Variants in DLGAP2 observed in about 807,000 individuals in gnomAD.
DLGAP2 encodes the protein disks large-associated protein 2.
Under a neutral mutation model 100.3 loss-of-function variants are expected in DLGAP2, and 26 were observed. The ratio of observed to expected loss-of-function variants is 0.26; its 90% confidence interval spans 0.19 to 0.36. DLGAP2 has a LOEUF of 0.36. Ranked by LOEUF, DLGAP2 falls within the 10% of genes least tolerant of loss-of-function variation. DLGAP2 has a pLI of 1.00. For synonymous variants in DLGAP2, 886 were observed against 630.1 expected, an observed-to-expected ratio of 1.41 and a Z score of -6.08; for missense variants, 1,858 against 1,453.2, an observed-to-expected ratio of 1.28 and a Z score of -4.53.
chr8:1,494,103 C>G (rs889201200), intron 3 of DLGAP2, among the ~76,000 whole-genome samples: 24 of 152,206 alleles, frequency 1.6e-4, no homozygotes, highest in Non-Finnish European at 3.1e-4. Context: ...GCAGGAAAGG[C>G]TGCAGGGCCC....
chr8:1,331,314 G>A (rs546896917), intron 3 of DLGAP2, among the ~76,000 whole-genome samples: 2 of 152,310 alleles, frequency 1.3e-5, no homozygotes, highest in South Asian at 4.1e-4. Context: ...GGTTGGGTGG[G>A]TTGGCTGCAC....
At chr8:1,471,881 G>T (rs1798805905) in intron 3 of DLGAP2, among the ~76,000 whole-genome samples, 1 of 152,190 alleles carries the variant, frequency 6.6e-6, no homozygotes, top group Admixed American at 6.5e-5. Context: ...GTTGAATGGG[G>T]CTCTGCGCAG....
intron 2 of DLGAP2, among the ~76,000 whole-genome samples, chr8:1,114,427 G>A (rs1028295074): frequency 6.6e-6 from 1 of 152,114 alleles, no homozygotes; most frequent in African/African-American, 2.4e-5. Context: ...TCAGTCTTGG[G>A]AGGGTGTAAG....
At chr8:1,519,873 G>A (rs1387333767) in intron 4 of DLGAP2, among the ~76,000 whole-genome samples, 1 of 152,264 alleles carries the variant, frequency 6.6e-6, no homozygotes, top group African/African-American at 2.4e-5. Flanking sequence ...CAGAGCAGGG[G>A]AGCATGGGTG....
chr8:1,256,302 TGTCTGTGTGTCCTCTCATCCTGTCTGG>T (rs1799214204), intron 2 of DLGAP2, among the ~76,000 whole-genome samples: 1 of 131,200 alleles, frequency 7.6e-6, no homozygotes, highest in Admixed American at 7.9e-5. Context: ...GCCCGGGTGC[TGTCTGTGTGTCCTCTCATCCTGTCTGG>T]GTGCCATGTG....
intron 2 of DLGAP2, among the ~76,000 whole-genome samples, chr8:1,252,463 C>G (rs4642678): frequency 0.11 from 15,886 of 148,810 alleles, 2,101 homozygotes; most frequent in African/African-American, 0.31. Flanking sequence ...TTGTCACGTG[C>G]GTGTGTTGCG....
chr8:1,042,050 C>T lies in DLGAP2; in HGVS notation c.73+134084C>T, dbSNP rs535211818. Among the ~76,000 whole-genome samples, 3 of 152,306 alleles carry T rather than the reference C, an allele frequency of 2.0e-5. No homozygotes were observed. In the South Asian group the frequency reaches 6.2e-4, roughly 32 times the overall value. ...CGTCGACCTGATTTGCAGAGCAGAA[C>T]GGCCAGGGAGTGTCTCTGGGCCGTG... On this transcript the variant is annotated intron_variant, in intron 2 of 14. Coordinates refer to ENST00000637795, the MANE Select transcript of DLGAP2 (RefSeq NM_001346810.2).
At chr8:1,130,589 C>G (rs894154896) in intron 2 of DLGAP2, among the ~76,000 whole-genome samples, 1 of 152,178 alleles carries the variant, frequency 6.6e-6, no homozygotes, top group Non-Finnish European at 1.5e-5. Context: ...TGGTCCCTGG[C>G]GACAAGGAGA....
At chr8:865,421 T>C (rs1252594884) in intron 1 of DLGAP2, among the ~76,000 whole-genome samples, 1 of 152,208 alleles carries the variant, frequency 6.6e-6, no homozygotes, top group Admixed American at 6.5e-5. Context: ...GTGTCTTGAT[T>C]TGCGGCGTCA....
At chr8:1,426,709 T>G (rs545326058) in intron 3 of DLGAP2, among the ~76,000 whole-genome samples, 2 of 152,314 alleles carry the variant, frequency 1.3e-5, no homozygotes, top group African/African-American at 4.8e-5. Context: ...CAACAATAGA[T>G]TCTTCGTTAG....
intron 2 of DLGAP2, among the ~76,000 whole-genome samples, chr8:1,242,885 C>G (rs796791699): frequency 1.3e-4 from 19 of 151,704 alleles, no homozygotes; most frequent in African/African-American, 4.6e-4. Flanking sequence ...GTCAGACAGA[C>G]AGGTGAATCC....
intron 3 of DLGAP2, among the ~76,000 whole-genome samples, chr8:1,418,590 C>T (rs28499013): frequency 6.6e-6 from 1 of 152,060 alleles, no homozygotes; most frequent in Non-Finnish European, 1.5e-5. Context: ...TCCACTCCGA[C>T]GCCAAATAAA....
At chr8:1,683,856 A>ATATATATATATATGTGTGTG (rs1467438870) in intron 12 of DLGAP2, among the ~76,000 whole-genome samples, 1 of 62,242 alleles carries the variant, frequency 1.6e-5, no homozygotes, top group African/African-American at 8.4e-5. Context: ...ATATATATAT[A>ATATATATATATATGTGTGTG]TGTGTGTGTG....
At chr8:944,049 G>A (rs932173349) in intron 2 of DLGAP2, among the ~76,000 whole-genome samples, 1 of 152,246 alleles carries the variant, frequency 6.6e-6, no homozygotes, top group Non-Finnish European at 1.5e-5. Context: ...TTGTTTTGGC[G>A]TAGAGACCAT....
At chr8:753,995 C>G (rs529458490) in intron 1 of DLGAP2, 1 of 152,252 alleles carries the variant, frequency 6.6e-6, no homozygotes, top group Non-Finnish European at 1.5e-5. Flanking sequence ...ACAGCCCTGC[C>G]TTCTTGTCTA....
chr8:899,770 A>T (rs1798213891), intron 1 of DLGAP2, among the ~76,000 whole-genome samples: 1 of 152,246 alleles, frequency 6.6e-6, no homozygotes, highest in Non-Finnish European at 1.5e-5. Flanking sequence ...AATGTTCTTG[A>T]CACTCTAAAG....
intron 8 of DLGAP2, among the ~76,000 whole-genome samples, chr8:1,660,468 A>G (rs1308462103): frequency 2.6e-5 from 4 of 152,220 alleles, no homozygotes; most frequent in Admixed American, 2.6e-4. Flanking sequence ...TTTAAAATAT[A>G]TTTTAAGTGC....
At chr8:1,197,353 C>T (rs1051272761) in intron 2 of DLGAP2, among the ~76,000 whole-genome samples, 3 of 152,258 alleles carry the variant, frequency 2.0e-5, no homozygotes, top group Non-Finnish European at 4.4e-5. Flanking sequence ...CTGCTCAGTA[C>T]CTGAGCCCTT....
chr8:852,375 G>T (rs1010785174), intron 1 of DLGAP2, among the ~76,000 whole-genome samples: 3 of 152,118 alleles, frequency 2.0e-5, no homozygotes, highest in Non-Finnish European at 4.4e-5. Flanking sequence ...CTTTTCACAC[G>T]TGATCTTCAG....
Sources: allele counts gnomAD v4.1 joint callset (sites outside exome capture counted in the v4.1 genomes callset), GRCh38; gene constraint gnomAD v4.1.1; transcripts MANE v1.5; gene names NCBI Gene and HGNC (gene_info 2026-07-23, HGNC 2026-07-21).